Variants in CASTOR2 observed in about 807,000 individuals in gnomAD.
The protein encoded by CASTOR2 is cytosolic arginine sensor for mTORC1 subunit 2.
A neutral mutation model predicts 31.2 loss-of-function variants in CASTOR2; 8 were observed. That is an observed-to-expected ratio of 0.26 (90% CI 0.15 to 0.46). The LOEUF (loss-of-function observed/expected upper bound fraction) is 0.46, where lower values mean the gene tolerates loss of function less well. Among genes scored for constraint, CASTOR2 ranks in the 20% least tolerant of loss-of-function variants. The pLI, the probability that CASTOR2 is intolerant of heterozygous loss-of-function variation, is 0.99. For synonymous variants in CASTOR2, 162 were observed against 158.7 expected (o/e 1.02, Z -0.16); for missense variants, 216 against 382.1 (o/e 0.57, Z 3.62).
In CASTOR2 at chr7:75,028,248, G is replaced by A. The variant is rs1805192902; in HGVS notation, c.*3549G>A. On this transcript the variant is annotated 3_prime_UTR_variant, in exon 9 of 9. Coordinates refer to ENST00000616305, the MANE Select transcript of CASTOR2 (RefSeq NM_001145064.3). ...CGAGTCTCCTACATTGGCCTCCCAA[G>A]TAGGTGAGATTACAGGCACTCACCA... Among the ~76,000 whole-genome samples, 2 of 151,564 alleles carry A rather than the reference G, an allele frequency of 1.3e-5. No homozygotes were observed. Among genetic ancestry groups the A allele is most frequent in the Non-Finnish European group, 2.9e-5 (2 of 67,970 alleles).
chr7:74,981,847 G>A (rs1437659858), intron 1 of CASTOR2, among the ~76,000 whole-genome samples: 9 of 140,528 alleles, frequency 6.4e-5, no homozygotes, highest in Non-Finnish European at 1.4e-4. Flanking sequence ...CAAGAGGATC[G>A]CTTGAGGCCA....
chr7:74,997,135 C>T (rs1339885599), intron 1 of CASTOR2, among the ~76,000 whole-genome samples: 1 of 151,966 alleles, frequency 6.6e-6, no homozygotes, highest in Non-Finnish European at 1.5e-5. Context: ...ATCACTGCAG[C>T]CTCGACCTCC....
intron 1 of CASTOR2, among the ~76,000 whole-genome samples, chr7:74,996,536 G>A (rs1163016009): frequency 1.3e-5 from 2 of 151,632 alleles, no homozygotes; most frequent in Non-Finnish European, 2.9e-5. Flanking sequence ...CTGCATGCTT[G>A]GAAAGGTCAG....
chr7:75,024,387 A>G, intron 7 of CASTOR2, 53 bp from the exon 8 acceptor site: 1 of 1,538,142 alleles, frequency 6.5e-7, no homozygotes, highest in Non-Finnish European at 8.8e-7. Context: ...AGAGCCACAC[A>G]GGCAAGGGTA....
intron 1 of CASTOR2, among the ~76,000 whole-genome samples, chr7:74,993,597 C>T (rs1217758144): frequency 6.6e-6 from 1 of 151,688 alleles, no homozygotes; most frequent in Non-Finnish European, 1.5e-5. Flanking sequence ...ATTACAGGCA[C>T]CTGCTACCAC....
In CASTOR2 at chr7:74,998,340, A is replaced by G. The variant is rs1192997195; in HGVS notation, c.114-9654A>G. On this transcript the variant is annotated intron_variant, in intron 1 of 8. Transcript: ENST00000616305. ...GAAATGGGGCCGGGCACGGTGGCTCACACTTGTAATCCCAGCACTTTGGGA... is the reference window on the plus strand; with the variant it reads ...GAAATGGGGCCGGGCACGGTGGCTCGCACTTGTAATCCCAGCACTTTGGGA... 4.5e-4 allele frequency among the ~76,000 whole-genome samples: 69 copies of G among 152,270 alleles called. 2 individuals are homozygous for G. Among genetic ancestry groups the G allele is most frequent in the Non-Finnish European group, 2.2e-4 (15 of 68,026 alleles).
At chr7:75,004,022 G>A (rs1471910873) in intron 1 of CASTOR2, among the ~76,000 whole-genome samples, 2 of 152,132 alleles carry the variant, frequency 1.3e-5, no homozygotes, top group Non-Finnish European at 2.9e-5. Flanking sequence ...TAATTTGTGC[G>A]GTCTATTTCT....
rs1345690121 is a variant in CASTOR2 at position 75,019,188 on chromosome 7, T to C, written c.635+93T>C. 10 of 1,545,544 alleles carry C rather than the reference T, an allele frequency of 6.5e-6. No individual in the cohort carries two copies. The Admixed American group carries it at 1.8e-4, about 27-fold the overall frequency. On this transcript the variant is annotated intron_variant, in intron 5 of 8. Transcript: ENST00000616305. Reference sequence around the variant, plus strand: ...CTTAGTCTGACGGGGGAGGCTTTGCTAGGAGCTCATCTGAGGGAAGAGACA... The same window carrying C: ...CTTAGTCTGACGGGGGAGGCTTTGCCAGGAGCTCATCTGAGGGAAGAGACA...
intron 2 of CASTOR2, among the ~76,000 whole-genome samples, chr7:75,013,487 A>G (rs1434975181): frequency 6.6e-6 from 1 of 151,962 alleles, no homozygotes; most frequent in African/African-American, 2.4e-5. Flanking sequence ...TACAAACAAT[A>G]CAAAAATTAA....
chr7:75,010,541 A>C (rs1804715493), intron 2 of CASTOR2, among the ~76,000 whole-genome samples: 1 of 152,110 alleles, frequency 6.6e-6, no homozygotes, highest in Non-Finnish European at 1.5e-5. Context: ...CGGCTGGCCC[A>C]GGGAAGGAAT....
At chr7:74,983,425 A>T (rs1406162089) in intron 1 of CASTOR2, among the ~76,000 whole-genome samples, 1 of 147,232 alleles carries the variant, frequency 6.8e-6, no homozygotes, top group Non-Finnish European at 1.5e-5. Flanking sequence ...GTCCCCACCC[A>T]GCCCGTCAGT....
chr7:75,022,128 C>A (rs1805020057), intron 7 of CASTOR2, among the ~76,000 whole-genome samples, 172 bp downstream of exon 7: 1 of 152,154 alleles, frequency 6.6e-6, no homozygotes, highest in Admixed American at 6.5e-5. Flanking sequence ...TGTACACAGG[C>A]CTCTTGGGGA....
intron 1 of CASTOR2, among the ~76,000 whole-genome samples, chr7:74,994,082 G>GTGTCAGCC (rs1407082936): frequency 2.0e-5 from 3 of 152,204 alleles, no homozygotes; most frequent in African/African-American, 7.2e-5. Context: ...CAAGTTACCC[G>GTGTCAGCC]TGTCAGCCGG....
chr7:74,981,728 A>G (rs1803949475), intron 1 of CASTOR2, among the ~76,000 whole-genome samples: 1 of 144,436 alleles, frequency 6.9e-6, no homozygotes. Context: ...TGCCGGGCCT[A>G]TTTTTTTTTT....
rs1240378668 is a variant in CASTOR2 at position 75,007,865 on chromosome 7, G to A, written c.114-129G>A. ...AGGGAGAGATAAACAACTTACCCGCGGTCACCCCAGCAGCCTGGGGCCGGA... is the reference window on the plus strand; with the variant it reads ...AGGGAGAGATAAACAACTTACCCGCAGTCACCCCAGCAGCCTGGGGCCGGA... On this transcript the variant is annotated intron_variant, in intron 1 of 8. Coordinates refer to ENST00000616305, the MANE Select transcript of CASTOR2 (RefSeq NM_001145064.3). 130 of 1,266,364 alleles carry A rather than the reference G, an allele frequency of 1.0e-4. 1 individual carries two copies. The highest frequency in any genetic ancestry group is 2.0e-4 in the South Asian group (16 of 81,506). The allele number at this position is 1,266,364 out of a possible 1,614,324, so 78.4% of individuals were successfully genotyped here.
At chr7:74,982,392 G>A (rs1333560317) in intron 1 of CASTOR2, among the ~76,000 whole-genome samples, 3 of 151,838 alleles carry the variant, frequency 2.0e-5, no homozygotes, top group Non-Finnish European at 4.4e-5. Flanking sequence ...CCAGGGCTTG[G>A]CCCCAGGCGA....
chr7:74,988,968 T>TTTC, intron 1 of CASTOR2, among the ~76,000 whole-genome samples: 1 of 151,098 alleles, frequency 6.6e-6, no homozygotes, highest in East Asian at 1.9e-4. Flanking sequence ...ATTTTTCTTT[T>TTTC]TTTTTTTTTT....
rs1256758371 is a variant in CASTOR2 at position 75,024,899 on chromosome 7, G to A, written c.*200G>A. On this transcript the variant is annotated 3_prime_UTR_variant, in exon 9 of 9. Coordinates refer to ENST00000616305, the MANE Select transcript of CASTOR2 (RefSeq NM_001145064.3). ...CCTCTCCATGCCCTCCTGCCTTCCC[G>A]GAGCCCCCCGACCCTCCAGAGAACG... 5 of 1,316,626 alleles carry A rather than the reference G, an allele frequency of 3.8e-6. No homozygotes were observed. The African/African-American group carries it at 5.9e-5, about 15-fold the overall frequency. The allele number at this position is 1,316,626 out of a possible 1,614,324, so 81.6% of individuals were successfully genotyped here.
In CASTOR2 at chr7:75,028,114, GA is replaced by G; in HGVS notation, c.*3417del. ...GAGGAAGAGGGCTCTCTATGATGTGGAATTTTTTTTTTTTTTTTTTTGAGAC... is the reference window on the plus strand; with the variant it reads ...GAGGAAGAGGGCTCTCTATGATGTGGATTTTTTTTTTTTTTTTTTTGAGAC... On this transcript the variant is annotated 3_prime_UTR_variant, in exon 9 of 9. Coordinates refer to ENST00000616305, the MANE Select transcript of CASTOR2 (RefSeq NM_001145064.3). 3 of 1,404,954 alleles carry G rather than the reference GA, an allele frequency of 2.1e-6. No individual in the cohort carries two copies. Among genetic ancestry groups the G allele is most frequent in the Non-Finnish European group, 2.8e-6 (3 of 1,065,098 alleles). The allele number at this position is 1,404,954 out of a possible 1,614,324, so 87.0% of individuals were successfully genotyped here. A position where few individuals can be genotyped will look rare whatever the true frequency, so the allele number is the denominator to read the frequency against.
Sources: allele counts gnomAD v4.1 joint callset (sites outside exome capture counted in the v4.1 genomes callset), GRCh38; gene constraint gnomAD v4.1.1; transcripts MANE v1.5; gene names NCBI Gene and HGNC (gene_info 2026-07-23, HGNC 2026-07-21).